The following DNAH7 variants were observed in gnomAD, a reference collection of about 807,000 sequenced individuals.
The protein encoded by DNAH7 is axonemal beta dynein heavy chain 7.
Under a neutral mutation model 444.6 loss-of-function variants are expected in DNAH7, and 397 were observed. The ratio of observed to expected loss-of-function variants is 0.89; its 90% CI spans 0.82 to 0.97. The LOEUF (loss-of-function observed/expected upper bound fraction) is 0.97. Ranked by LOEUF, DNAH7 falls within the 50% of genes least tolerant of loss-of-function variation. The pLI is 0.00. For synonymous variants in DNAH7, 1,636 were observed against 1,624.4 expected, an observed-to-expected ratio of 1.01 and a Z score of -0.17; for missense variants, 4,902 against 4,800.8, an observed-to-expected ratio of 1.02 and a Z score of -0.62.
chr2:195,909,497 C>T (rs1559212643), intron 25 of DNAH7, among the ~76,000 whole-genome samples: 1 of 152,034 alleles, frequency 6.6e-6, no homozygotes, highest in Non-Finnish European at 1.5e-5. Flanking sequence ...AAAAGTAATA[C>T]ACTGATTTGA....
chr2:195,752,548 A>C (rs9288252), intron 63 of DNAH7, among the ~76,000 whole-genome samples: 9,181 of 152,180 alleles, frequency 0.06, 397 homozygotes, highest in African/African-American at 0.11. Context: ...TTAATGTTTA[A>C]AGATAAAAAA....
At chr2:195,895,806 T>C (rs755434285) in intron 29 of DNAH7, among the ~76,000 whole-genome samples, 8 of 152,334 alleles carry the variant, frequency 5.3e-5, no homozygotes, top group Admixed American at 3.3e-4. Flanking sequence ...AATTAGACCA[T>C]ATACATACTA....
At chr2:195,928,868 G>C (rs1167478772) in intron 21 of DNAH7, among the ~76,000 whole-genome samples, 1 of 152,022 alleles carries the variant, frequency 6.6e-6, no homozygotes, top group Non-Finnish European at 1.5e-5. Context: ...GGAAGTCCTA[G>C]ACAGAGCGAT....
At chr2:195,770,717 G>T (rs1694793311) in intron 61 of DNAH7, among the ~76,000 whole-genome samples, 1 of 151,922 alleles carries the variant, frequency 6.6e-6, no homozygotes, top group African/African-American at 2.4e-5. Context: ...ACCAAAATTT[G>T]TATGTATTTG....
chr2:195,919,902 T>G (rs1687919621), intron 24 of DNAH7, among the ~76,000 whole-genome samples: 1 of 152,082 alleles, frequency 6.6e-6, no homozygotes, highest in Non-Finnish European at 1.5e-5. Context: ...CTATGAGATA[T>G]CAAATGGAAG....
chr2:195,844,956 A>G, intron 47 of DNAH7, 46 bp downstream of exon 47: 3 of 1,541,436 alleles, frequency 1.9e-6, no homozygotes, highest in Non-Finnish European at 8.8e-7. Flanking sequence ...AGATAAATCT[A>G]CTGTTATTTA....
Position 195,794,402 on chromosome 2 carries a change from A to G in DNAH7, c.10652T>C (p.Ile3551Thr), listed in dbSNP as rs762250474. 6.2e-7 allele frequency: 1 copy of G among 1,614,154 alleles called. No homozygotes were observed. The highest frequency in any genetic ancestry group is 1.6e-4 in the Middle Eastern group (1 of 6,062). Reference sequence around the variant, plus strand: ...CGGGTCCATGAGGTATGATCGAATGATATTAGCCCGTAAACCTTTTGGTGC... The same window carrying G: ...CGGGTCCATGAGGTATGATCGAATGGTATTAGCCCGTAAACCTTTTGGTGC... ...NEAPKGLRAN[I>T]IRSYLMDPIS... Residue 3551 changes from isoleucine to threonine, a missense_variant, in exon 57 of 65, where the codon ATC becomes ACC. Coordinates refer to ENST00000312428, the MANE Select transcript of DNAH7 (RefSeq NM_018897.3).
intron 47 of DNAH7, among the ~76,000 whole-genome samples, chr2:195,842,543 G>A (rs1030022296): frequency 2.6e-5 from 4 of 152,072 alleles, no homozygotes; most frequent in Non-Finnish European, 4.4e-5. Context: ...AAAGCTTTCA[G>A]TATAAGATTA....
At chr2:195,807,417 C>T (rs1216596334) in intron 53 of DNAH7, among the ~76,000 whole-genome samples, 1 of 152,130 alleles carries the variant, frequency 6.6e-6, no homozygotes, top group Non-Finnish European at 1.5e-5. Flanking sequence ...CTTGGCCTCC[C>T]AAAGTGCTGG....
At position 195,799,412 on chromosome 2, in the gene DNAH7, G is replaced by A. The variant is rs775282712; in HGVS notation, c.10237C>T (p.Pro3413Ser). ...NRLGRAFIEP[P>S]PFDLAKAFGD... ...AATGCCTTGGCTAAATCAAAGGGGG[G>A]TGGTTCAATGAATGCACGTCCCAAT... The change falls in exon 55 of 65, where the codon CCC (proline) becomes TCC (serine). Residue 3413 changes from proline (P) to serine (S), a missense_variant. By Grantham distance (74) the Pro-to-Ser change is moderately conservative (BLOSUM62 -1). Coordinates refer to ENST00000312428, the MANE Select transcript of DNAH7 (RefSeq NM_018897.3). 1.9e-5 allele frequency: 30 copies of A among 1,610,358 alleles called. No homozygotes were observed. The highest frequency in any genetic ancestry group is 1.3e-4 in the Admixed American group (8 of 59,468).
At position 196,026,938 on chromosome 2, in the gene DNAH7, T is replaced by G. The variant is rs372544498; in HGVS notation, c.489A>C (p.Arg163Ser). ...TASAIEKDIL[R>S]YYYYIHHGID... ...TTCCATGGTGAATATAATAGTAATATCTCTACAAAAAGAAGATAGGAAAAA... is the reference window on the plus strand; with the variant it reads ...TTCCATGGTGAATATAATAGTAATAGCTCTACAAAAAGAAGATAGGAAAAA... The change falls in exon 7 of 65, where the codon AGA (arginine) becomes AGC (serine). Residue 163 changes from arginine (R) to serine (S), a missense_variant and splice_region_variant. By Grantham distance (110) the Arg-to-Ser change is moderately radical (BLOSUM62 -1). Transcript: ENST00000312428. The G allele has an allele frequency of 3.8e-6, 6 of 1,579,362 alleles. No homozygotes were observed. The African/African-American group carries it at 5.4e-5, about 14-fold the overall frequency.
intron 22 of DNAH7, among the ~76,000 whole-genome samples, chr2:195,924,600 A>C (rs1050254584): frequency 6.6e-5 from 10 of 151,908 alleles, no homozygotes; most frequent in African/African-American, 2.2e-4. Context: ...TCACAAAAAA[A>C]AAAAAAGAGA....
At chr2:195,776,980 C>G (rs1489965636) in intron 59 of DNAH7, among the ~76,000 whole-genome samples, 2 of 152,146 alleles carry the variant, frequency 1.3e-5, no homozygotes, top group African/African-American at 4.8e-5. Flanking sequence ...CCCCAGCTCC[C>G]ATGTTGACTT....
intron 1 of DNAH7, among the ~76,000 whole-genome samples, chr2:196,065,152 C>G (rs1380577660): frequency 1.7e-5 from 2 of 119,576 alleles, no homozygotes; most frequent in East Asian, 4.8e-4. Context: ...GACCTTTTTT[C>G]TACCATGTGA....
intron 8 of DNAH7, among the ~76,000 whole-genome samples, chr2:196,020,068 A>C (rs949636693): frequency 6.6e-6 from 1 of 152,086 alleles, no homozygotes; most frequent in Non-Finnish European, 1.5e-5. Context: ...CTTCTACTTT[A>C]TGAATAGTAA....
rs760257788 is a variant in DNAH7, at chr2:195,960,637, A to C, written c.2514T>G (p.Ile838Met). 6 of 1,614,202 alleles carry C rather than the reference A, an allele frequency of 3.7e-6. No individual in the cohort carries two copies. The highest frequency in any genetic ancestry group is 5.1e-6 in the Non-Finnish European group (6 of 1,180,036). ...RSKVEDFKQH[I>M]PLIQVICNPG... ...GATTACAGATCACTTGAATGAGAGG[A>C]ATGTGCTGCTTGAAATCTTCCACCT... Residue 838 changes from isoleucine to methionine, a missense_variant, in exon 18 of 65, where the codon ATT becomes ATG. Transcript: ENST00000312428.
chr2:195,817,933 T>A (rs539977063), intron 49 of DNAH7, 104 bp from the exon 50 acceptor site: 9 of 766,274 alleles, frequency 1.2e-5, no homozygotes, highest in Non-Finnish European at 1.8e-5. Flanking sequence ...ATTTACTATA[T>A]ATGGTAGTAC....
At chr2:195,878,260 G>A (rs1027797088) in intron 36 of DNAH7, among the ~76,000 whole-genome samples, 8 of 152,124 alleles carry the variant, frequency 5.3e-5, no homozygotes, top group Non-Finnish European at 1.0e-4. Flanking sequence ...GAAGCCATAT[G>A]GTAGGTAATC....
At chr2:196,044,203 A>ATATGTGTGTG (rs1553611806) in intron 5 of DNAH7, among the ~76,000 whole-genome samples, 4 of 147,084 alleles carry the variant, frequency 2.7e-5, no homozygotes, top group African/African-American at 1.0e-4. Context: ...ATATATATAT[A>ATATGTGTGTG]TGTGTGTGTG....
Sources: gnomAD v4.1 joint callset for allele counts (sites outside exome capture counted in the v4.1 genomes callset) on GRCh38, gnomAD v4.1.1 for gene constraint, MANE v1.5 for transcripts, NCBI Gene and HGNC (gene_info 2026-07-23, HGNC 2026-07-21) for gene names.